Variants in SYT1 observed in about 807,000 individuals in gnomAD.
The protein encoded by SYT1 is synaptotagmin-1.
SYT1 carries 8 observed loss-of-function variants against 44.8 expected under a neutral mutation model. The ratio of observed to expected loss-of-function variants is 0.18; its 90% confidence interval spans 0.10 to 0.32. The LOEUF (loss-of-function observed/expected upper bound fraction) is 0.32. Ranked by LOEUF, SYT1 falls within the 10% of genes least tolerant of loss-of-function variation. The probability of loss-of-function intolerance (pLI) is 1.00; values close to 1 mark genes in which losing one functional copy is unlikely to be tolerated. For missense variants in SYT1, 286 were observed against 509.3 expected (o/e 0.56, Z 4.22); for synonymous variants, 154 against 188.8 (o/e 0.82, Z 1.51).
chr12:79,416,967 G>A (rs11612280), intron 9 of SYT1, among the ~76,000 whole-genome samples: 20,428 of 151,808 alleles, frequency 0.13, 1,830 homozygotes, highest in Middle Eastern at 0.33. Context: ...ATCCTAATAT[G>A]TGTGTGTGTG....
chr12:79,147,630 A>G (rs1044246341), intron 3 of SYT1, among the ~76,000 whole-genome samples: 9 of 152,202 alleles, frequency 5.9e-5, no homozygotes, highest in African/African-American at 1.9e-4. Context: ...ATTTCTTACA[A>G]TACATTCAGT....
intron 1 of SYT1, among the ~76,000 whole-genome samples, chr12:78,865,564 TGG>T (rs56184328): frequency 0.53 from 77,640 of 145,694 alleles, 20,517 homozygotes; most frequent in Admixed American, 0.6. Context: ...GAGAGGGATA[TGG>T]GGGGGGGGGG....
intron 9 of SYT1, among the ~76,000 whole-genome samples, chr12:79,423,348 G>A (rs1253933695): frequency 1.3e-5 from 2 of 152,122 alleles, no homozygotes; most frequent in African/African-American, 4.8e-5. Flanking sequence ...CTGAGAGAAA[G>A]AGAAAGAGAG....
intron 4 of SYT1, among the ~76,000 whole-genome samples, chr12:79,267,548 T>C (rs1270076867): frequency 6.6e-6 from 1 of 152,238 alleles, no homozygotes; most frequent in African/African-American, 2.4e-5. Context: ...TTATGTGTTT[T>C]TAGTTTTGAA....
chr12:79,074,812 T>A (rs890532379), intron 3 of SYT1, among the ~76,000 whole-genome samples: 1 of 152,106 alleles, frequency 6.6e-6, no homozygotes, highest in African/African-American at 2.4e-5. Flanking sequence ...GATTCCAGAT[T>A]TTATTATCCC....
At chr12:79,050,974 A>G (rs2137788732) in intron 3 of SYT1, among the ~76,000 whole-genome samples, 1 of 152,106 alleles carries the variant, frequency 6.6e-6, no homozygotes, top group South Asian at 2.1e-4. Context: ...TACCTCCTCT[A>G]ATATTATCAT....
At chr12:78,877,181 A>G (rs1176613381) in intron 1 of SYT1, among the ~76,000 whole-genome samples, 1 of 151,292 alleles carries the variant, frequency 6.6e-6, no homozygotes, top group Non-Finnish European at 1.5e-5. Context: ...TCACAGTTCC[A>G]CATGGGTGGG....
At chr12:79,397,745 T>C (rs1339075828) in intron 9 of SYT1, among the ~76,000 whole-genome samples, 5 of 152,232 alleles carry the variant, frequency 3.3e-5, no homozygotes, top group African/African-American at 7.2e-5. Context: ...AAAAGCTCTA[T>C]GCTACAAGAC....
chr12:79,136,951 A>G (rs1869229732), intron 3 of SYT1, among the ~76,000 whole-genome samples: 1 of 152,218 alleles, frequency 6.6e-6, no homozygotes, highest in Admixed American at 6.5e-5. Context: ...CATGTTTGCA[A>G]GGTATGGGTA....
chr12:79,350,579 T>TC (rs958252328), intron 8 of SYT1, among the ~76,000 whole-genome samples: 1 of 152,100 alleles, frequency 6.6e-6, no homozygotes, highest in African/African-American at 2.4e-5. Context: ...TGCTCTTGTT[T>TC]CACATAAACT....
chr12:78,922,411 A>AT (rs1339396786), intron 1 of SYT1, among the ~76,000 whole-genome samples: 28 of 151,780 alleles, frequency 1.8e-4, no homozygotes, highest in African/African-American at 6.0e-4. Flanking sequence ...ATCATATAAA[A>AT]TGTTGTTTAT....
At chr12:78,865,267 A>G (rs1873475701) in intron 1 of SYT1, among the ~76,000 whole-genome samples, 158 bp downstream of exon 1, 1 of 152,108 alleles carries the variant, frequency 6.6e-6, no homozygotes, top group South Asian at 2.1e-4. Context: ...ATATGAGACT[A>G]CATGTGCATC....
At chr12:79,357,812 G>T (rs1375613127) in intron 9 of SYT1, among the ~76,000 whole-genome samples, 2 of 152,086 alleles carry the variant, frequency 1.3e-5, no homozygotes, top group African/African-American at 4.8e-5. Flanking sequence ...TAGCTTCGTT[G>T]CCTTTTACAC....
At chr12:79,285,992 T>G in intron 5 of SYT1, 21 bp downstream of exon 5, 2 of 1,574,974 alleles carry the variant, frequency 1.3e-6, no homozygotes, top group Non-Finnish European at 1.7e-6. Context: ...CTTTCTACAT[T>G]TCTTCTTATT....
At chr12:78,870,795 G>T (rs2137034554) in intron 1 of SYT1, among the ~76,000 whole-genome samples, 1 of 152,052 alleles carries the variant, frequency 6.6e-6, no homozygotes, top group South Asian at 2.1e-4. Context: ...GCCTACTGTG[G>T]GTAGGAAACA....
At chr12:79,226,450 A>C (rs891315398) in intron 4 of SYT1, among the ~76,000 whole-genome samples, 1 of 152,074 alleles carries the variant, frequency 6.6e-6, no homozygotes, top group African/African-American at 2.4e-5. Context: ...GTGTCCCTCT[A>C]TTGGGCACTG....
intron 8 of SYT1, among the ~76,000 whole-genome samples, chr12:79,352,633 T>A (rs1322959470): frequency 6.6e-6 from 1 of 152,146 alleles, no homozygotes; most frequent in Non-Finnish European, 1.5e-5. Flanking sequence ...ATAATTTGGT[T>A]CTTAATTAAT....
At chr12:79,034,465 A>C (rs1027997254) in intron 2 of SYT1, among the ~76,000 whole-genome samples, 1 of 151,648 alleles carries the variant, frequency 6.6e-6, no homozygotes, top group African/African-American at 2.4e-5. Flanking sequence ...TTTTTGCAAG[A>C]GAAAAACAGG....
chr12:79,033,968 T>C (rs1224308858), intron 2 of SYT1, among the ~76,000 whole-genome samples: 1 of 151,512 alleles, frequency 6.6e-6, no homozygotes, highest in African/African-American at 2.4e-5. Context: ...AATGTAATTC[T>C]ATGTGAACTA....
Sources: gnomAD v4.1 joint callset for allele counts (sites outside exome capture counted in the v4.1 genomes callset) on GRCh38, gnomAD v4.1.1 for gene constraint, MANE v1.5 for transcripts, NCBI Gene and HGNC (gene_info 2026-07-23, HGNC 2026-07-21) for gene names.